Variants in ZIC1 observed in about 807,000 individuals in gnomAD.
ZIC1 encodes Zic family zinc finger 1.
ZIC1 carries 4 observed loss-of-function variants against 30.9 expected under a neutral mutation model. The observed-to-expected ratio is 0.13, with a 90% CI of 0.06 to 0.30. The LOEUF (loss-of-function observed/expected upper bound fraction) is 0.30, where lower values mean the gene tolerates loss of function less well. Ranked by LOEUF, ZIC1 falls within the 10% of genes least tolerant of loss-of-function variation. The probability of loss-of-function intolerance (pLI) is 1.00; values close to 1 mark genes in which losing one functional copy is unlikely to be tolerated. For synonymous variants in ZIC1, 305 were observed against 277.5 expected, an observed-to-expected ratio of 1.10 and a Z score of -0.98; for missense variants, 441 against 639.3, an observed-to-expected ratio of 0.69 and a Z score of 3.34.
intron 1 of ZIC1, among the ~76,000 whole-genome samples, chr3:147,411,731 GA>G (rs778908886): frequency 3.9e-5 from 6 of 151,978 alleles, no homozygotes; most frequent in Non-Finnish European, 8.8e-5. Flanking sequence ...AGGCAAGGAA[GA>G]ACTTGTTGTC....
chr3:147,414,512 C>G lies in ZIC1; in HGVS notation c.*961C>G, dbSNP rs1249959050. The G allele has an allele frequency of 6.6e-6, 1 of 152,612 alleles. No individual in the cohort carries two copies. Among genetic ancestry groups the G allele is most frequent in the Non-Finnish European group, 1.5e-5 (1 of 68,046 alleles). The allele number at this position is 152,612 out of a possible 1,614,324, so 9.5% of individuals were successfully genotyped here. A position where few individuals can be genotyped will look rare whatever the true frequency, so the allele number is the denominator to read the frequency against. ...AGAACTCGTATGTACACTTTAGTTT[C>G]CAGAACTGTTTGGTAACCTTTCGTA... On this transcript the variant is annotated 3_prime_UTR_variant, in exon 3 of 3. Transcript: ENST00000282928.
chr3:147,412,588 G>A lies in ZIC1; in HGVS notation c.1053G>A (p.Lys351=). Reference sequence around the variant, plus strand: ...TCGCTAACAGCAGCGACCGCAAGAAGCACATGCACGTGCACACGAGCGACA... The same window carrying A: ...TCGCTAACAGCAGCGACCGCAAGAAACACATGCACGTGCACACGAGCGACA... ...RRFANSSDRK[K]HMHVHTSDKP... is the part of the protein sequence containing the mutation. The change falls in exon 2 of 3, where the codon AAG becomes AAA. Residue 351 remains lysine, a synonymous_variant. Transcript: ENST00000282928. 6.2e-7 allele frequency: 1 copy of A among 1,614,234 alleles called. No homozygotes were observed. Among genetic ancestry groups the A allele is most frequent in the Non-Finnish European group, 8.5e-7 (1 of 1,180,044 alleles).
In ZIC1 at chr3:147,416,186, A is replaced by G. The variant is rs1487505294; in HGVS notation, c.*2635A>G. ...GTGACTCCAGACATTAGGTCCAGAC[A>G]TTAGTTAAAAATAGAAAGAGGAATA... On this transcript the variant is annotated 3_prime_UTR_variant, in exon 3 of 3. Transcript: ENST00000282928. The G allele has an allele frequency of 1.3e-5, 2 of 152,254 alleles. No homozygotes were observed. Among genetic ancestry groups the G allele is most frequent in the Non-Finnish European group, 1.5e-5 (1 of 68,040 alleles). 9.4% of individuals were successfully genotyped at this position (152,254 alleles called of 1,614,324 possible).
chr3:147,409,986 C>A lies in ZIC1; in HGVS notation c.-127C>A. ...GACTTCGCGAGGTGGGTCGACTCCCCCTCCCTCCTCCTCTTCTTCCTCCTC... is the reference window on the plus strand; with the variant it reads ...GACTTCGCGAGGTGGGTCGACTCCCACTCCCTCCTCCTCTTCTTCCTCCTC... On this transcript the variant is annotated 5_prime_UTR_variant, in exon 1 of 3. Coordinates refer to ENST00000282928, the MANE Select transcript of ZIC1 (RefSeq NM_003412.4). 9.4e-7 allele frequency: 1 copy of A among 1,067,876 alleles called. No individual in the cohort carries two copies. Among genetic ancestry groups the A allele is most frequent in the Non-Finnish European group, 1.3e-6 (1 of 781,870 alleles). The allele number at this position is 1,067,876 out of a possible 1,614,324, so 66.2% of individuals were successfully genotyped here.
intron 1 of ZIC1, among the ~76,000 whole-genome samples, chr3:147,411,807 A>G (rs1238538198): frequency 1.3e-5 from 2 of 151,476 alleles, no homozygotes; most frequent in Non-Finnish European, 1.5e-5. Context: ...AAAAATAATC[A>G]AGACACAGGT....
rs2087370996 is a variant in ZIC1, at chr3:147,411,112, G to C, written c.982+18G>C. 6.2e-7 allele frequency: 1 copy of C among 1,602,550 alleles called. No homozygotes were observed. Among genetic ancestry groups the C allele is most frequent in the Admixed American group, 1.7e-5 (1 of 59,350 alleles). On this transcript the variant is annotated intron_variant, in intron 1 of 2. Coordinates refer to ENST00000282928, the MANE Select transcript of ZIC1 (RefSeq NM_003412.4). ...GCACACAGGTACGGAAACAGCTGTA[G>C]GACCCCTACCCATTCCCACTTGGGC...
rs1342119466 is a variant in ZIC1 at position 147,409,901 on chromosome 3, G to T, written c.-212G>T. 4.8e-5 allele frequency: 26 copies of T among 541,884 alleles called. No homozygotes were observed. Among genetic ancestry groups the T allele is most frequent in the Non-Finnish European group, 7.2e-5 (23 of 319,898 alleles). 33.6% of individuals were successfully genotyped at this position (541,884 alleles called of 1,614,324 possible). A position where few individuals can be genotyped will look rare whatever the true frequency, so the allele number is the denominator to read the frequency against. On this transcript the variant is annotated 5_prime_UTR_variant, in exon 1 of 3. Transcript: ENST00000282928. ...GTTACTCGCGGCCCGCAGCCGTCCG[G>T]CTACTTTGCGTTTGGCCCGGCCAGC...
chr3:147,410,858 T>G lies in ZIC1; in HGVS notation c.746T>G (p.Met249Arg). The change falls in exon 1 of 3, where the codon ATG becomes AGG. Residue 249 changes from methionine to arginine, a missense_variant. Physicochemically the swap from Met to Arg is moderately conservative, Grantham distance 91. Coordinates refer to ENST00000282928, the MANE Select transcript of ZIC1 (RefSeq NM_003412.4). ...KKSCNKTFST[M>R]HELVTHVTVE... ...TCGTGCAACAAAACTTTCAGCACCA[T>G]GCACGAGCTAGTTACGCACGTCACC... 1 of 1,614,242 alleles carries G rather than the reference T, an allele frequency of 6.2e-7. No homozygotes were observed. The highest frequency in any genetic ancestry group is 8.5e-7 in the Non-Finnish European group (1 of 1,180,034).
At chr3:147,411,520 G>C (rs992462271) in intron 1 of ZIC1, among the ~76,000 whole-genome samples, 9 of 152,280 alleles carry the variant, frequency 5.9e-5, no homozygotes, top group African/African-American at 2.2e-4. Flanking sequence ...TTTGCCAAAG[G>C]AAAGAGCTGA....
In ZIC1 at chr3:147,413,413, A is replaced by G. The variant is rs2087400215; in HGVS notation, c.1206A>G (p.Glu402=). Residue 402 remains glutamate, a synonymous_variant, in exon 3 of 3, where the codon GAA becomes GAG. Transcript: ENST00000282928. ...QPSPAASSGY[E]SSTPPTIVSP... Reference sequence around the variant, plus strand: ...CGCCGGCCGCCAGCTCTGGCTACGAATCCTCCACGCCTCCCACCATCGTGT... The same window carrying G: ...CGCCGGCCGCCAGCTCTGGCTACGAGTCCTCCACGCCTCCCACCATCGTGT... 6.2e-7 allele frequency: 1 copy of G among 1,613,840 alleles called. No individual in the cohort carries two copies. Among genetic ancestry groups the G allele is most frequent in the Admixed American group, 1.7e-5 (1 of 59,988 alleles).
At position 147,415,719 on chromosome 3, in the gene ZIC1, C is replaced by T. The variant is rs1001504658; in HGVS notation, c.*2168C>T. The T allele has an allele frequency of 3.9e-5, 6 of 152,192 alleles. No individual in the cohort carries two copies. Among genetic ancestry groups the T allele is most frequent in the African/African-American group, 1.4e-4 (6 of 41,428 alleles). 9.4% of individuals were successfully genotyped at this position (152,192 alleles called of 1,614,324 possible). ...CTGAGAAAGAAAACAAGAGGAAAAA[C>T]CCCACAAAGTATAACAACCCCTTAA... On this transcript the variant is annotated 3_prime_UTR_variant, in exon 3 of 3. Transcript: ENST00000282928.
In ZIC1 at chr3:147,411,087, G is replaced by A. The variant is rs774957041; in HGVS notation, c.975G>A (p.Thr325=). 3.7e-6 allele frequency: 6 copies of A among 1,612,240 alleles called. No homozygotes were observed. The highest frequency in any genetic ancestry group is 5.1e-6 in the Non-Finnish European group (6 of 1,178,972). ...AGAATTTAAAGATCCACAAAAGGAC[G>A]CACACAGGTACGGAAACAGCTGTAG... is the stretch of plus-strand genomic sequence containing the variant. ...RSENLKIHKR[T]HTGEKPFKCE... is the part of the protein sequence containing the mutation. The change falls in exon 1 of 3, where the codon ACG becomes ACA. Residue 325 remains threonine (T), a synonymous_variant. Coordinates refer to ENST00000282928, the MANE Select transcript of ZIC1 (RefSeq NM_003412.4).
rs547312932 is a variant in ZIC1 at position 147,415,388 on chromosome 3, C to T, written c.*1837C>T. On this transcript the variant is annotated 3_prime_UTR_variant, in exon 3 of 3. Coordinates refer to ENST00000282928, the MANE Select transcript of ZIC1 (RefSeq NM_003412.4). ...GTGCTTAATGACTGTAGCAGAATGC[C>T]TTTTCTCTAAATCAGATTGTCTTTC... 1 of 152,724 alleles carries T rather than the reference C, an allele frequency of 6.5e-6. No individual in the cohort carries two copies. The highest frequency in any genetic ancestry group is 1.5e-5 in the Non-Finnish European group (1 of 68,036). 9.5% of individuals were successfully genotyped at this position (152,724 alleles called of 1,614,324 possible). A position where few individuals can be genotyped will look rare whatever the true frequency, so the allele number is the denominator to read the frequency against.
At chr3:147,412,478 T>C in intron 1 of ZIC1, 40 bp from the exon 2 acceptor site, 2 of 1,597,350 alleles carry the variant, frequency 1.3e-6, no homozygotes, top group South Asian at 2.3e-5. Flanking sequence ...CCGCGGTATT[T>C]TTTTCTAATT....
At position 147,410,607 on chromosome 3, in the gene ZIC1, C is replaced by T. The variant is rs764491732; in HGVS notation, c.495C>T (p.Leu165=). ...ACGTGGTCAACGGGCAGATGAGGCT[C>T]GGCTTCTCGGGGGACATGTACCCGC... ...SPNVVNGQMR[L]GFSGDMYPRP... Residue 165 remains leucine (L), a synonymous_variant, in exon 1 of 3, where the codon CTC becomes CTT. Transcript: ENST00000282928. 3.7e-6 allele frequency: 6 copies of T among 1,613,364 alleles called. No homozygotes were observed. The South Asian group carries it at 4.4e-5, about 12-fold the overall frequency.
chr3:147,413,392 G>A lies in ZIC1; in HGVS notation c.1185G>A (p.Pro395=), dbSNP rs767388870. ...CCTCGCAGGGCTCGCAGCCTTCGCC[G>A]GCCGCCAGCTCTGGCTACGAATCCT... The part of the protein sequence containing the change: ...ESSSQGSQPS[P]AASSGYESST... Residue 395 remains proline, a synonymous_variant, in exon 3 of 3, where the codon CCG becomes CCA. Coordinates refer to ENST00000282928, the MANE Select transcript of ZIC1 (RefSeq NM_003412.4). 53 of 1,613,750 alleles carry A rather than the reference G, an allele frequency of 3.3e-5. No individual in the cohort carries two copies. Among genetic ancestry groups the A allele is most frequent in the South Asian group, 2.1e-4 (19 of 91,064 alleles).
Position 147,411,095 on chromosome 3 carries a change from G to T in ZIC1, c.982+1G>T, listed in dbSNP as rs763564912. Reference sequence around the variant, plus strand: ...AAGATCCACAAAAGGACGCACACAGGTACGGAAACAGCTGTAGGACCCCTA... The same window carrying T: ...AAGATCCACAAAAGGACGCACACAGTTACGGAAACAGCTGTAGGACCCCTA... On this transcript the variant is annotated splice_donor_variant, in intron 1 of 2. Coordinates refer to ENST00000282928, the MANE Select transcript of ZIC1 (RefSeq NM_003412.4). LOFTEE classifies it high-confidence loss of function. 1 of 1,610,794 alleles carries T rather than the reference G, an allele frequency of 6.2e-7. No homozygotes were observed. The highest frequency in any genetic ancestry group is 1.7e-5 in the Admixed American group (1 of 59,874).
In ZIC1 at chr3:147,416,107, G is replaced by T. The variant is rs1158164965; in HGVS notation, c.*2556G>T. ...AGCTCCAAAAATTTGCGAAGCAAAA[G>T]CTAGCCCCAATTGGTTTGGAAGTTT... On this transcript the variant is annotated 3_prime_UTR_variant, in exon 3 of 3. Transcript: ENST00000282928. 6.6e-6 allele frequency: 1 copy of T among 152,244 alleles called. No individual in the cohort carries two copies. The highest frequency in any genetic ancestry group is 1.9e-4 in the East Asian group (1 of 5,202). The allele number at this position is 152,244 out of a possible 1,614,324, so 9.4% of individuals were successfully genotyped here. A position where few individuals can be genotyped will look rare whatever the true frequency, so the allele number is the denominator to read the frequency against.
Position 147,410,087 on chromosome 3 carries a change from G to T in ZIC1, c.-26G>T. 6.9e-7 allele frequency: 1 copy of T among 1,454,046 alleles called. No individual in the cohort carries two copies. Among genetic ancestry groups the T allele is most frequent in the East Asian group, 2.7e-5 (1 of 37,564 alleles). 90.1% of individuals were successfully genotyped at this position (1,454,046 alleles called of 1,614,324 possible). Reference sequence around the variant, plus strand: ...GGCGAGGGTGGGGGGGGCGGGGGAGGCCGGGGCTCGCCCCGAGCAGCCACG... The same window carrying T: ...GGCGAGGGTGGGGGGGGCGGGGGAGTCCGGGGCTCGCCCCGAGCAGCCACG... On this transcript the variant is annotated 5_prime_UTR_variant, in exon 1 of 3. Transcript: ENST00000282928.
Sources: gnomAD v4.1 joint callset for allele counts (sites outside exome capture counted in the v4.1 genomes callset) on GRCh38, gnomAD v4.1.1 for gene constraint, MANE v1.5 for transcripts, NCBI Gene and HGNC (gene_info 2026-07-23, HGNC 2026-07-21) for gene names.